Variants in BICRA observed in about 807,000 individuals in gnomAD.
The protein encoded by BICRA is BRD4 interacting chromatin remodeling complex associated protein.
In BICRA, 31 loss-of-function variants were observed where a neutral mutation model predicts 96.9. That is an observed-to-expected ratio of 0.32 (90% CI 0.24 to 0.43). The LOEUF is 0.43. BICRA is among the 20% of genes least tolerant of loss of function. The pLI is 1.00. For missense variants in BICRA, 2,283 were observed against 2,190.3 expected (o/e 1.04, Z -0.84); for synonymous variants, 1,350 against 1,071.8 (o/e 1.26, Z -5.07).
intron 1 of BICRA, among the ~76,000 whole-genome samples, chr19:47,634,974 A>C (rs140131878): frequency 3.3e-5 from 5 of 151,812 alleles, no homozygotes; most frequent in Admixed American, 6.6e-5. Context: ...GTGTTAGCCA[A>C]GATGGTCTCG....
intron 7 of BICRA, among the ~76,000 whole-genome samples, chr19:47,685,786 T>TGTGTGTGTGTGCGCGCGCGCGCGCGC: frequency 2.5e-5 from 3 of 117,930 alleles, no homozygotes; most frequent in East Asian, 3.5e-4. Flanking sequence ...TGTGTGTGTG[T>TGTGTGTGTGTGCGCGCGCGCGCGCGC]GCGCGCGCGC....
rs11667889 is a variant in BICRA at position 47,686,453 on chromosome 19, G to A, written c.2283+4301G>A. On this transcript the variant is annotated intron_variant, in intron 7 of 14. Transcript: ENST00000594866. The stretch of plus-strand genomic sequence containing the variant: ...GGCTGGAGTGTAGTGGCACTATCTC[G>A]GCTCACTGCAACCTCCACCTCCCAG... Among the ~76,000 whole-genome samples the A allele has an allele frequency of 4.0e-5, 6 of 151,782 alleles. No individual in the cohort carries two copies. The South Asian group carries it at 6.3e-4, about 16-fold the overall frequency.
At chr19:47,613,150 C>T (rs1971934203) in intron 1 of BICRA, among the ~76,000 whole-genome samples, 1 of 151,992 alleles carries the variant, frequency 6.6e-6, no homozygotes, top group South Asian at 2.1e-4. Flanking sequence ...GTGGGGTGTG[C>T]CCCAGGCTGT....
In BICRA at chr19:47,628,307, G is replaced by C. The variant is rs1341319459; in HGVS notation, c.-108+19139G>C. Reference sequence around the variant, plus strand: ...CTGTTACCACGTGAGTTCTGAGTCAGCTGGTGCAGACACTTTGCATTTCTT... The same window carrying C: ...CTGTTACCACGTGAGTTCTGAGTCACCTGGTGCAGACACTTTGCATTTCTT... On this transcript the variant is annotated intron_variant, in intron 1 of 14. Coordinates refer to ENST00000594866, the MANE Select transcript of BICRA (RefSeq NM_001394372.1). Among the ~76,000 whole-genome samples, 23 of 150,256 alleles carry C rather than the reference G, an allele frequency of 1.5e-4. No homozygotes were observed. In the Admixed American group the frequency reaches 1.5e-3, roughly 10 times the overall value.
At position 47,679,421 on chromosome 19, in the gene BICRA, C is replaced by A; in HGVS notation, c.251C>A (p.Ser84Tyr). 1 of 1,486,284 alleles carries A rather than the reference C, an allele frequency of 6.7e-7. No individual in the cohort carries two copies. The highest frequency in any genetic ancestry group is 1.4e-5 in the South Asian group (1 of 73,974). The allele number at this position is 1,486,284 out of a possible 1,614,324, so 92.1% of individuals were successfully genotyped here. ...TTCCTGGAAGATGACATCCTGGGCTCTCCTGCGACAGGGGGCGGCGGCGGG... is the reference window on the plus strand; with the variant it reads ...TTCCTGGAAGATGACATCCTGGGCTATCCTGCGACAGGGGGCGGCGGCGGG... ...LDFLEDDILG[S>Y]PATGGGGGGS... Residue 84 changes from serine to tyrosine, a missense_variant, in exon 6 of 15, where the codon TCT (serine) becomes TAT (tyrosine). Ser to Tyr is a moderately radical substitution (Grantham distance 144). Coordinates refer to ENST00000594866, the MANE Select transcript of BICRA (RefSeq NM_001394372.1).
At chr19:47,659,493 G>A (rs10518277) in intron 1 of BICRA, among the ~76,000 whole-genome samples, 21,964 of 151,976 alleles carry the variant, frequency 0.14, 1,657 homozygotes, top group South Asian at 0.2. Context: ...TGCTTTGTCC[G>A]AGAGGGCATG....
intron 1 of BICRA, among the ~76,000 whole-genome samples, chr19:47,619,667 G>T (rs971904066): frequency 6.6e-6 from 1 of 152,276 alleles, no homozygotes; most frequent in African/African-American, 2.4e-5. Flanking sequence ...GGAGGGCGAG[G>T]TGGGAGGATC....
At chr19:47,673,449 G>C in intron 2 of BICRA, 121 bp from the exon 3 acceptor site, 1 of 759,654 alleles carries the variant, frequency 1.3e-6, no homozygotes, top group South Asian at 1.5e-5. Context: ...TATCCCCATG[G>C]ACTCAAGGGA....
chr19:47,668,099 G>A (rs1293021892), intron 1 of BICRA, among the ~76,000 whole-genome samples: 4 of 152,154 alleles, frequency 2.6e-5, no homozygotes, highest in Non-Finnish European at 5.9e-5. Context: ...GCGTGGTGGT[G>A]CATGCCTGTA....
At chr19:47,689,608 C>T (rs1404405587) in intron 7 of BICRA, among the ~76,000 whole-genome samples, 2 of 151,514 alleles carry the variant, frequency 1.3e-5, no homozygotes, top group African/African-American at 2.4e-5. Context: ...GACAGGGTTT[C>T]GCCATGTTGG....
intron 9 of BICRA, 23 bp from the exon 10 acceptor site, chr19:47,695,342 T>TCCGCC: frequency 3.2e-6 from 2 of 630,182 alleles, no homozygotes; most frequent in Admixed American, 2.9e-5. Flanking sequence ...AGGCCCTGTC[T>TCCGCC]CCCCCACCCC....
chr19:47,657,637 C>A (rs1457646343), intron 1 of BICRA, among the ~76,000 whole-genome samples: 1 of 152,040 alleles, frequency 6.6e-6, no homozygotes, highest in African/African-American at 2.4e-5. Flanking sequence ...ACCTTGTGAT[C>A]CGCCCACCTC....
intron 1 of BICRA, among the ~76,000 whole-genome samples, chr19:47,651,480 A>T (rs1204370036): frequency 6.6e-6 from 1 of 151,878 alleles, no homozygotes; most frequent in Non-Finnish European, 1.5e-5. Context: ...CATTCTTGGC[A>T]TCCTTGCCCT....
At chr19:47,676,014 A>G (rs1972934935) in intron 5 of BICRA, 98 bp downstream of exon 5, 3 of 380,614 alleles carry the variant, frequency 7.9e-6, no homozygotes, top group South Asian at 4.6e-5. Flanking sequence ...TCATCTCGTG[A>G]GGGCTGTTGA....
At chr19:47,648,496 C>T (rs1568556997) in intron 1 of BICRA, among the ~76,000 whole-genome samples, 1 of 151,570 alleles carries the variant, frequency 6.6e-6, no homozygotes, top group South Asian at 2.1e-4. Context: ...TGTCAGATAG[C>T]GATCGGCACC....
chr19:47,686,479 G>C (rs1973161128), intron 7 of BICRA, among the ~76,000 whole-genome samples: 1 of 151,984 alleles, frequency 6.6e-6, no homozygotes, highest in African/African-American at 2.4e-5. Flanking sequence ...CACCTCCCAG[G>C]TTCAAGCGAT....
intron 1 of BICRA, among the ~76,000 whole-genome samples, chr19:47,640,930 C>T (rs1972375641): frequency 7.7e-6 from 1 of 129,388 alleles, no homozygotes; most frequent in African/African-American, 3.0e-5. Flanking sequence ...GACAGAGTCT[C>T]ACTCTGTCAC....
intron 5 of BICRA, among the ~76,000 whole-genome samples, chr19:47,676,576 C>T (rs1429916276): frequency 2.4e-4 from 24 of 101,122 alleles, no homozygotes; most frequent in African/African-American, 7.5e-4. Context: ...GGCCTCCCCC[C>T]TCCCCGCCTC....
intron 1 of BICRA, among the ~76,000 whole-genome samples, chr19:47,668,949 G>T (rs564245450): frequency 1.4e-4 from 21 of 151,902 alleles, no homozygotes; most frequent in African/African-American, 4.8e-4. Context: ...ATGAAACCTT[G>T]TCTCTACTTA....
Sources: gnomAD v4.1 joint callset for allele counts (sites outside exome capture counted in the v4.1 genomes callset) on GRCh38, gnomAD v4.1.1 for gene constraint, MANE v1.5 for transcripts, NCBI Gene and HGNC (gene_info 2026-07-23, HGNC 2026-07-21) for gene names.